Variants in PDGFRB observed in about 807,000 individuals in gnomAD.
PDGFRB encodes platelet derived growth factor receptor beta, also known as platelet-derived growth factor receptor beta.
A neutral mutation model predicts 120.2 loss-of-function variants in PDGFRB; 42 were observed. That is an observed-to-expected ratio of 0.35 (90% CI 0.27 to 0.45). The LOEUF (loss-of-function observed/expected upper bound fraction) is 0.45. PDGFRB is among the 20% of genes least tolerant of loss of function. PDGFRB has a pLI of 1.00. For missense variants in PDGFRB, 1,149 were observed against 1,476.3 expected (o/e 0.78, Z 3.63); for synonymous variants, 586 against 606.8 (o/e 0.97, Z 0.50).
intron 12 of PDGFRB, 106 bp downstream of exon 12, chr5:150,125,339 C>A (rs1208565690): frequency 2.1e-6 from 2 of 947,678 alleles, no homozygotes; most frequent in Non-Finnish European, 3.2e-6. Context: ...AAGACACCAG[C>A]CCTAGGTCTC....
Position 150,120,732 on chromosome 5 carries a change from A to G in PDGFRB, c.2586+156T>C, listed in dbSNP as rs1266021679. On this transcript the variant is annotated intron_variant, in intron 18 of 22. Transcript: ENST00000261799. The surrounding 1 kb of genome is among the most constrained non-coding windows in gnomAD (Gnocchi z 4.3). ...CTCCCCATCCTGTCCCTGCACACAT[A>G]GCTGGGCAGGCACAGCCCATCACTG... Among the ~76,000 whole-genome samples, 1 of 151,980 alleles carries G rather than the reference A, an allele frequency of 6.6e-6. No individual in the cohort carries two copies. The highest frequency in any genetic ancestry group is 1.5e-5 in the Non-Finnish European group (1 of 67,992).
intron 2 of PDGFRB, 85 bp from the exon 3 acceptor site, chr5:150,135,963 C>A: frequency 1.1e-6 from 1 of 869,728 alleles, no homozygotes; most frequent in African/African-American, 1.7e-5. Context: ...GCCACGTATG[C>A]ACAGCCCTCA....
In PDGFRB at chr5:150,134,740, G is replaced by T. The variant is rs1266105843; in HGVS notation, c.631+10C>A. ...CCTCTGCTGAGCATCAGGCCAGAAA[G>T]GGGGCTCACCCTGGAGTCTGTAGAC... On this transcript the variant is annotated intron_variant, in intron 4 of 22. Transcript: ENST00000261799. 1.9e-6 allele frequency: 3 copies of T among 1,602,720 alleles called. No individual in the cohort carries two copies. Among genetic ancestry groups the T allele is most frequent in the South Asian group, 2.2e-5 (2 of 88,988 alleles).
In PDGFRB at chr5:150,121,104, T is replaced by C. The variant is rs1355503505; in HGVS notation, c.2464-94A>G. Reference sequence around the variant, plus strand: ...CTTTGGGAAAATACAACACTGCCCATGTGCGAGAGGCCACCCTGGTGTGCT... The same window carrying C: ...CTTTGGGAAAATACAACACTGCCCACGTGCGAGAGGCCACCCTGGTGTGCT... On this transcript the variant is annotated intron_variant, in intron 17 of 22. Transcript: ENST00000261799. This position sits in a 1 kb window ranked among gnomAD's most constrained non-coding sequence, Gnocchi z 4.1. The C allele has an allele frequency of 2.0e-6, 3 of 1,463,650 alleles. No homozygotes were observed. Among genetic ancestry groups the C allele is most frequent in the Non-Finnish European group, 1.9e-6 (2 of 1,043,180 alleles). The allele number at this position is 1,463,650 out of a possible 1,614,324, so 90.7% of individuals were successfully genotyped here. A position where few individuals can be genotyped will look rare whatever the true frequency, so the allele number is the denominator to read the frequency against.
intron 15 of PDGFRB, 45 bp downstream of exon 15, chr5:150,122,997 C>A: frequency 6.4e-6 from 10 of 1,563,316 alleles, no homozygotes; most frequent in South Asian, 1.1e-5. Context: ...GAGCGGTGCT[C>A]CTCAGGTATC....
rs765356973 is a variant in PDGFRB at position 150,135,853 on chromosome 5, C to G, written c.66G>C (p.Leu22=). 1.3e-6 allele frequency: 2 copies of G among 1,531,298 alleles called. No homozygotes were observed. The highest frequency in any genetic ancestry group is 4.5e-5 in the East Asian group (2 of 44,096). The allele number at this position is 1,531,298 out of a possible 1,614,324, so 94.9% of individuals were successfully genotyped here. A position where few individuals can be genotyped will look rare whatever the true frequency, so the allele number is the denominator to read the frequency against. Residue 22 remains leucine, a synonymous_variant, in exon 3 of 23, where the codon CTG becomes CTC. Coordinates refer to ENST00000261799, the MANE Select transcript of PDGFRB (RefSeq NM_002609.4). Reference sequence around the variant, plus strand: ...GAGAGATCTGTGGTTCCAGAAGTAACAGGAGAGACAGCAACAGCAGCTCGC... The same window carrying G: ...GAGAGATCTGTGGTTCCAGAAGTAAGAGGAGAGACAGCAACAGCAGCTCGC... ...LKGELLLLSL[L]LLLEPQISQG...
At chr5:150,118,664 C>G (rs1195550903) in intron 21 of PDGFRB, 83 bp downstream of exon 21, 2 of 855,824 alleles carry the variant, frequency 2.3e-6, no homozygotes, top group Non-Finnish European at 2.0e-6. Context: ...TAAATGCCAG[C>G]CCATCACGCA....
intron 1 of PDGFRB, among the ~76,000 whole-genome samples, chr5:150,139,526 C>A (rs890642420): frequency 6.6e-6 from 1 of 152,044 alleles, no homozygotes; most frequent in Non-Finnish European, 1.5e-5. Context: ...GGCTAGTAAG[C>A]AGGAGGGGGC....
At chr5:150,135,947 G>A (rs1041689996) in intron 2 of PDGFRB, 69 bp from the exon 3 acceptor site, 31 of 1,117,190 alleles carry the variant, frequency 2.8e-5, no homozygotes, top group Non-Finnish European at 3.5e-5. Flanking sequence ...CTGAGCCTGC[G>A]AGGAGGCCAC....
At chr5:150,153,771 A>C (rs892763429) in intron 1 of PDGFRB, 2 of 151,434 alleles carry the variant, frequency 1.3e-5, no homozygotes, top group South Asian at 4.2e-4. Context: ...AAGCAGAGAT[A>C]CTCCTCCCTG....
Position 150,135,000 on chromosome 5 carries a change from G to T in PDGFRB, c.381C>A (p.Phe127Leu). ...ATAGTTCCTCGGCATCATTAGGGAGGAAGCCCACGGTGGGATCTGCCAGGA... is the reference window on the plus strand; with the variant it reads ...ATAGTTCCTCGGCATCATTAGGGAGTAAGCCCACGGTGGGATCTGCCAGGA... The part of the protein sequence containing the change: ...YIFVPDPTVG[F>L]LPNDAEELFI... Residue 127 changes from phenylalanine to leucine, a missense_variant, in exon 4 of 23, where the codon TTC (phenylalanine) becomes TTA (leucine). Phe to Leu is a conservative substitution (Grantham distance 22, BLOSUM62 0). Transcript: ENST00000261799. 1 of 1,592,996 alleles carries T rather than the reference G, an allele frequency of 6.3e-7. No individual in the cohort carries two copies. The highest frequency in any genetic ancestry group is 1.7e-5 in the Admixed American group (1 of 59,618).
rs531957601 is a variant in PDGFRB at position 150,140,318 on chromosome 5, C to A, written c.-6-3265G>T. ...TTCCCCTCTTTAGGAGGACTGTACT[C>A]TAGGGAAGGGCCACCTAGGACAAGC... On this transcript the variant is annotated intron_variant, in intron 1 of 22. Transcript: ENST00000261799. Among the ~76,000 whole-genome samples, 123 of 152,238 alleles carry A rather than the reference C, an allele frequency of 8.1e-4. No individual in the cohort carries two copies. The South Asian group carries it at 0.023, about 29-fold the overall frequency.
rs76501910 is a variant in PDGFRB, at chr5:150,128,817, C to A, written c.1579+940G>T. 2.5e-3 allele frequency among the ~76,000 whole-genome samples: 380 copies of A among 152,328 alleles called. 2 individuals are homozygous for A. Among genetic ancestry groups the A allele is most frequent in the African/African-American group, 8.6e-3 (358 of 41,576 alleles). ...AGGGAATTGCCAAGTTCCTTGTCTG[C>A]CTTCTCTCTCTGGACTATGGGTACT... On this transcript the variant is annotated intron_variant, in intron 10 of 22. Transcript: ENST00000261799.
At chr5:150,125,394 C>T (rs759280229) in intron 12 of PDGFRB, 51 bp downstream of exon 12, 1 of 1,550,908 alleles carries the variant, frequency 6.4e-7, no homozygotes, top group Admixed American at 1.8e-5. Context: ...AGAGAGTCTT[C>T]CCACCCAACT....
At chr5:150,133,047 C>G in intron 6 of PDGFRB, 105 bp from the exon 7 acceptor site, 1 of 798,214 alleles carries the variant, frequency 1.3e-6, no homozygotes, top group Non-Finnish European at 2.0e-6. Context: ...GGGACCGTGC[C>G]AGCCATGGAG....
At chr5:150,136,514 G>T (rs1043890936) in intron 2 of PDGFRB, among the ~76,000 whole-genome samples, 2 of 152,204 alleles carry the variant, frequency 1.3e-5, no homozygotes, top group Admixed American at 1.3e-4. Context: ...CGGTCAGGCA[G>T]CCAGTCCATC....
At chr5:150,137,887 G>C (rs936593220) in intron 1 of PDGFRB, among the ~76,000 whole-genome samples, 2 of 152,242 alleles carry the variant, frequency 1.3e-5, no homozygotes, top group Admixed American at 6.5e-5. Flanking sequence ...GAAGTAGAAA[G>C]AGACAAAGAC....
intron 1 of PDGFRB, among the ~76,000 whole-genome samples, chr5:150,142,318 C>T (rs1489682599): frequency 3.3e-5 from 5 of 152,162 alleles, no homozygotes; most frequent in Non-Finnish European, 7.3e-5. Flanking sequence ...CCCCAGGCTT[C>T]AGGCTATAGC....
rs75748462 is a variant in PDGFRB at position 150,117,783 on chromosome 5, C to G, written c.2972G>C (p.Arg991Pro). ...DHPAILRSQA[R>P]LPGFHGLRSP... ...TCGGAGGCCATGGAACCCAGGCAAGCGGGCCTGGGACCGAAGGATGGCTGG... is the reference window on the plus strand; with the variant it reads ...TCGGAGGCCATGGAACCCAGGCAAGGGGGCCTGGGACCGAAGGATGGCTGG... Residue 991 changes from arginine (R) to proline (P), a missense_variant, in exon 22 of 23, where the codon CGC (arginine) becomes CCC (proline). By Grantham distance (103) the Arg-to-Pro change is moderately radical. This residue lies in a region of PDGFRB where 202 missense variants were observed against 214.3 expected (regional missense o/e 0.94). Coordinates refer to ENST00000261799, the MANE Select transcript of PDGFRB (RefSeq NM_002609.4). 1.2e-6 allele frequency: 2 copies of G among 1,613,688 alleles called. No individual in the cohort carries two copies. The highest frequency in any genetic ancestry group is 2.2e-5 in the East Asian group (1 of 44,872).
Sources: allele counts gnomAD v4.1 joint callset (sites outside exome capture counted in the v4.1 genomes callset), GRCh38; gene constraint gnomAD v4.1.1; regional missense constraint gnomAD v4.1.1; non-coding constraint Gnocchi (gnomAD v3.1); transcripts MANE v1.5; gene names NCBI Gene and HGNC (gene_info 2026-07-23, HGNC 2026-07-21).